The following CACNB2 variants were observed in gnomAD, a reference collection of about 807,000 sequenced individuals.
CACNB2 encodes the protein voltage-dependent L-type calcium channel subunit beta-2.
CACNB2 carries 42 observed loss-of-function variants against 73.3 expected under a neutral mutation model. The observed-to-expected ratio is 0.57, with a 90% confidence interval of 0.45 to 0.74. The LOEUF is 0.74. CACNB2 is among the 30% of genes least tolerant of loss of function. The probability of loss-of-function intolerance (pLI) is 0.00; values close to 1 mark genes in which losing one functional copy is unlikely to be tolerated. For missense variants in CACNB2, 940 were observed against 853.0 expected, an observed-to-expected ratio of 1.10 and a Z score of -1.27; for synonymous variants, 348 against 310.3, an observed-to-expected ratio of 1.12 and a Z score of -1.28.
chr10:18,150,771 A>ATGTATTACT, intron 1 of CACNB2, 112 bp from the exon 2 acceptor site: 1 of 649,896 alleles, frequency 1.5e-6, no homozygotes, highest in Non-Finnish European at 2.6e-6. Context: ...CATGATGGCA[A>ATGTATTACT]TGTATTACTT....
intron 3 of CACNB2, among the ~76,000 whole-genome samples, chr10:18,442,637 C>T (rs578176608): frequency 9.1e-4 from 137 of 150,902 alleles, no homozygotes; most frequent in Middle Eastern, 3.5e-3. Context: ...CCATCCTGGC[C>T]AACATGATGA....
chr10:18,186,578 CA>C (rs1272713448), intron 2 of CACNB2, among the ~76,000 whole-genome samples: 1 of 152,000 alleles, frequency 6.6e-6, no homozygotes, highest in African/African-American at 2.4e-5. Context: ...TGGTGGAAGG[CA>C]AAGGGGGAGA....
intron 2 of CACNB2, among the ~76,000 whole-genome samples, chr10:18,356,698 G>A (rs558460502): frequency 1.3e-5 from 2 of 151,344 alleles, no homozygotes; most frequent in Non-Finnish European, 2.9e-5. Flanking sequence ...TGACATGATT[G>A]CAGCTCACTG....
rs773942256 is a variant in CACNB2 at position 18,220,201 on chromosome 10, G to GTA, written c.213+69257_213+69258dup. On this transcript the variant is annotated intron_variant, in intron 2 of 13. Coordinates refer to ENST00000324631, the MANE Select transcript of CACNB2 (RefSeq NM_201596.3). ...CATATATATACATATATATGTGTGT[G>GTA]TATATATATATATATATATATATAT... Among the ~76,000 whole-genome samples the GTA allele has an allele frequency of 6.7e-3, 156 of 23,248 alleles. 1 individual carries two copies. Among genetic ancestry groups the GTA allele is most frequent in the South Asian group, 0.02 (7 of 356 alleles). The allele number at this position is 23,248 out of a possible 152,430, so 15.3% of individuals were successfully genotyped here.
At chr10:18,355,541 G>C (rs947304099) in intron 2 of CACNB2, among the ~76,000 whole-genome samples, 1 of 151,700 alleles carries the variant, frequency 6.6e-6, no homozygotes, top group Non-Finnish European at 1.5e-5. Flanking sequence ...TTGCAGAGCT[G>C]CTGCTAACAT....
intron 2 of CACNB2, among the ~76,000 whole-genome samples, chr10:18,358,572 G>A (rs550075023): frequency 3.4e-5 from 3 of 89,534 alleles, no homozygotes; most frequent in South Asian, 7.6e-4. Flanking sequence ...CTCTCTCTCT[G>A]GAACTGCTTT....
At chr10:18,241,583 T>TAA (rs200306547) in intron 2 of CACNB2, among the ~76,000 whole-genome samples, 1 of 146,356 alleles carries the variant, frequency 6.8e-6, no homozygotes, top group African/African-American at 2.5e-5. Context: ...TGAAGTATAT[T>TAA]AAAAAAAAAA....
At chr10:18,383,319 T>C (rs2043092873) in intron 2 of CACNB2, among the ~76,000 whole-genome samples, 1 of 152,208 alleles carries the variant, frequency 6.6e-6, no homozygotes, top group South Asian at 2.1e-4. Flanking sequence ...AACGATCTGC[T>C]GTATGTCTGA....
Position 18,356,722 on chromosome 10 carries a change from G to A in CACNB2, c.214-45202G>A, listed in dbSNP as rs112672918. ...TGCAGCTCACTGCAGCCTTGACCTC[G>A]AGGGCTCAAGCAATCCTCCCATCTC... is the stretch of plus-strand genomic sequence containing the variant. On this transcript the variant is annotated intron_variant, in intron 2 of 13. Coordinates refer to ENST00000324631, the MANE Select transcript of CACNB2 (RefSeq NM_201596.3). Among the ~76,000 whole-genome samples the A allele has an allele frequency of 2.7e-3, 403 of 151,498 alleles. 3 individuals are homozygous for A. Among genetic ancestry groups the A allele is most frequent in the African/African-American group, 9.4e-3 (390 of 41,272 alleles).
chr10:18,346,141 C>G (rs2041442282), intron 2 of CACNB2, among the ~76,000 whole-genome samples: 2 of 152,088 alleles, frequency 1.3e-5, no homozygotes, highest in Non-Finnish European at 2.9e-5. Flanking sequence ...AGAACTGGAA[C>G]TTTCTTTTAT....
chr10:18,162,387 A>T (rs960337383), intron 2 of CACNB2, among the ~76,000 whole-genome samples: 1 of 152,208 alleles, frequency 6.6e-6, no homozygotes, highest in African/African-American at 2.4e-5. Context: ...GTCAGGAAAA[A>T]AAAAAATCGA....
Position 18,161,008 on chromosome 10 carries a change from G to A in CACNB2, c.213+10033G>A, listed in dbSNP as rs530656944. Among the ~76,000 whole-genome samples, 320 of 152,222 alleles carry A rather than the reference G, an allele frequency of 2.1e-3. 1 individual carries two copies. Among genetic ancestry groups the A allele is most frequent in the African/African-American group, 7.4e-3 (308 of 41,530 alleles). On this transcript the variant is annotated intron_variant, in intron 2 of 13. Transcript: ENST00000324631. ...TACAAAGACCTGAGTTGGTGAAAAAGGAATGGTGTCTCCCCCTACCCGCCT... is the reference window on the plus strand; with the variant it reads ...TACAAAGACCTGAGTTGGTGAAAAAAGAATGGTGTCTCCCCCTACCCGCCT...
intron 2 of CACNB2, among the ~76,000 whole-genome samples, chr10:18,247,493 G>T (rs2036913330): frequency 6.6e-6 from 1 of 152,060 alleles, no homozygotes; most frequent in Non-Finnish European, 1.5e-5. Context: ...GTGCCGGCTG[G>T]ATATAGGAAG....
intron 3 of CACNB2, among the ~76,000 whole-genome samples, chr10:18,435,630 C>G (rs113103643): frequency 0.053 from 8,060 of 152,138 alleles, 732 homozygotes; most frequent in African/African-American, 0.18. Flanking sequence ...TCCCAAGTAG[C>G]TGAGACTACA....
intron 2 of CACNB2, among the ~76,000 whole-genome samples, chr10:18,324,534 T>C (rs1242087519): frequency 6.6e-6 from 1 of 152,224 alleles, no homozygotes; most frequent in Non-Finnish European, 1.5e-5. Flanking sequence ...AATAATATGT[T>C]TTAAACAGTT....
chr10:18,522,225 G>C (rs2051966072), intron 9 of CACNB2, among the ~76,000 whole-genome samples: 1 of 152,060 alleles, frequency 6.6e-6, no homozygotes, highest in Non-Finnish European at 1.5e-5. Context: ...GGATCCCACT[G>C]ATTCTACATT....
rs977659884 is a variant in CACNB2 at position 18,542,827 on chromosome 10, T to G, written c.*3103T>G. On this transcript the variant is annotated 3_prime_UTR_variant, in exon 14 of 14. Transcript: ENST00000324631. ...AAAGGCTTAACCTTAACCTACTCAG[T>G]TGTAGAGCCATTTTTGTAGTCAACC... 9 of 152,060 alleles carry G rather than the reference T, an allele frequency of 5.9e-5. No individual in the cohort carries two copies. The highest frequency in any genetic ancestry group is 1.9e-4 in the African/African-American group (8 of 41,410). 9.4% of individuals were successfully genotyped at this position (152,060 alleles called of 1,614,324 possible). A position where few individuals can be genotyped will look rare whatever the true frequency, so the allele number is the denominator to read the frequency against.
At chr10:18,229,147 A>G (rs1162545655) in intron 2 of CACNB2, among the ~76,000 whole-genome samples, 1 of 152,254 alleles carries the variant, frequency 6.6e-6, no homozygotes, top group African/African-American at 2.4e-5. Context: ...CATGTAAGTA[A>G]TGATAGTGTA....
At chr10:18,173,773 T>C (rs1269592307) in intron 2 of CACNB2, among the ~76,000 whole-genome samples, 1 of 152,224 alleles carries the variant, frequency 6.6e-6, no homozygotes, top group Non-Finnish European at 1.5e-5. Flanking sequence ...TTTGTTGATA[T>C]TAAGTTTGTA....
Sources: gnomAD v4.1 joint callset for allele counts (sites outside exome capture counted in the v4.1 genomes callset) on GRCh38, gnomAD v4.1.1 for gene constraint, MANE v1.5 for transcripts, NCBI Gene and HGNC (gene_info 2026-07-23, HGNC 2026-07-21) for gene names.